Variants in CDH13 observed in about 807,000 individuals in gnomAD.
CDH13 encodes the protein cadherin 13.
In CDH13, 24 loss-of-function variants were observed where a neutral mutation model predicts 63.8. The observed-to-expected ratio is 0.38, with a 90% CI of 0.27 to 0.53. CDH13 has a LOEUF of 0.53. CDH13 is among the 20% of genes least tolerant of loss of function. The pLI, the probability that CDH13 is intolerant of heterozygous loss-of-function variation, is 0.85. For missense variants in CDH13, 1,049 were observed against 903.1 expected (o/e 1.16, Z -2.07); for synonymous variants, 503 against 355.3 (o/e 1.42, Z -4.67).
chr16:83,763,545 T>C (rs1335087769), intron 11 of CDH13, among the ~76,000 whole-genome samples: 2 of 152,150 alleles, frequency 1.3e-5, no homozygotes, highest in Admixed American at 1.3e-4. Context: ...CTTTCTCTTT[T>C]CATAGCTCAA....
chr16:83,129,288 C>G (rs17280004), intron 4 of CDH13, among the ~76,000 whole-genome samples: 41,839 of 152,106 alleles, frequency 0.28, 6,118 homozygotes, highest in Middle Eastern at 0.41. Context: ...ACGTATTAGA[C>G]TTCGATATAG....
chr16:82,846,624 G>C (rs1204825175), intron 1 of CDH13, among the ~76,000 whole-genome samples: 1 of 152,184 alleles, frequency 6.6e-6, no homozygotes, highest in Non-Finnish European at 1.5e-5. Context: ...TTTACTCTGA[G>C]CTACTTTTTA....
intron 1 of CDH13, among the ~76,000 whole-genome samples, chr16:82,816,672 G>A (rs2037726583): frequency 6.6e-6 from 1 of 151,210 alleles, no homozygotes; most frequent in South Asian, 2.1e-4. Context: ...GAGTGAGGGG[G>A]AGATAATAGA....
At chr16:82,910,091 C>T (rs1030751632) in intron 2 of CDH13, among the ~76,000 whole-genome samples, 1 of 152,176 alleles carries the variant, frequency 6.6e-6, no homozygotes, top group Non-Finnish European at 1.5e-5. Flanking sequence ...ATTCTCCACC[C>T]CTCTTTACGC....
rs17780828 is a variant in CDH13, at chr16:83,799,521, G to T, written c.*4491G>T. 0.21 allele frequency: 31,504 copies of T among 151,950 alleles called. 3,718 individuals are homozygous for T. The highest frequency in any genetic ancestry group is 0.27 in the Non-Finnish European group (18,079 of 67,968). The allele number at this position is 151,950 out of a possible 1,614,324, so 9.4% of individuals were successfully genotyped here. On this transcript the variant is annotated 3_prime_UTR_variant, in exon 14 of 14. Transcript: ENST00000567109. ...AAAGGTAGCCCATAAATCTGTTTAC[G>T]TGTAGCTGCCTTAAACATGAGTCAA...
chr16:82,902,282 A>T (rs1423745212), intron 2 of CDH13, among the ~76,000 whole-genome samples: 3 of 152,196 alleles, frequency 2.0e-5, no homozygotes, highest in Non-Finnish European at 2.9e-5. Context: ...GGTAAAAATT[A>T]TCAAAACTAC....
intron 1 of CDH13, among the ~76,000 whole-genome samples, chr16:82,799,523 T>G (rs1392827785): frequency 6.6e-6 from 1 of 152,244 alleles, no homozygotes; most frequent in Admixed American, 6.5e-5. Flanking sequence ...ATCAGTTTAG[T>G]CTTTTTTGCA....
At chr16:83,056,084 C>T (rs1486012906) in intron 3 of CDH13, among the ~76,000 whole-genome samples, 1 of 152,098 alleles carries the variant, frequency 6.6e-6, no homozygotes, top group East Asian at 1.9e-4. Context: ...TCTACATGAC[C>T]ACTAAACATA....
intron 8 of CDH13, among the ~76,000 whole-genome samples, chr16:83,669,420 G>GAT (rs1461947004): frequency 3.9e-5 from 6 of 152,158 alleles, no homozygotes; most frequent in Non-Finnish European, 8.8e-5. Flanking sequence ...TTTGTGAGAA[G>GAT]AGAAGATAGA....
intron 3 of CDH13, among the ~76,000 whole-genome samples, chr16:83,083,930 C>G (rs148406032): frequency 5.3e-5 from 8 of 152,188 alleles, no homozygotes; most frequent in South Asian, 2.1e-4. Flanking sequence ...CCAGGTAAGT[C>G]TCACTATCTC....
intron 10 of CDH13, among the ~76,000 whole-genome samples, chr16:83,722,001 G>A (rs552876456): frequency 6.6e-6 from 1 of 152,250 alleles, no homozygotes; most frequent in South Asian, 2.1e-4. Context: ...AACTGGGAGT[G>A]GAGGGGTCCA....
chr16:83,718,031 A>G (rs1411546893), intron 10 of CDH13: 1 of 152,242 alleles, frequency 6.6e-6, no homozygotes, highest in East Asian at 1.9e-4. Flanking sequence ...CATGACTGTG[A>G]CTGTCTTACT....
rs1457071151 is a variant in CDH13, at chr16:83,379,255, C to T, written c.781+34249C>T. Among the ~76,000 whole-genome samples the T allele has an allele frequency of 4.6e-5, 7 of 152,150 alleles. No individual in the cohort carries two copies. In the East Asian group the frequency reaches 1.3e-3, roughly 29 times the overall value. On this transcript the variant is annotated intron_variant, in intron 6 of 13. Coordinates refer to ENST00000567109, the MANE Select transcript of CDH13 (RefSeq NM_001257.5). ...TTAGAAGGGCACTGACTACCTCTCC[C>T]TCAAGTGTCAACTAAAAAATATTAG...
chr16:82,949,024 C>A (rs563163805), intron 2 of CDH13, among the ~76,000 whole-genome samples: 1 of 152,128 alleles, frequency 6.6e-6, no homozygotes, highest in African/African-American at 2.4e-5. Flanking sequence ...GTTTTCAAAT[C>A]TTTGGCAAAT....
intron 5 of CDH13, among the ~76,000 whole-genome samples, chr16:83,323,174 T>TCTTTTCTTTCTTTCTTTC (rs1555530162): frequency 4.9e-5 from 4 of 82,256 alleles, no homozygotes; most frequent in East Asian, 3.8e-4. Flanking sequence ...TCTCTTTCTT[T>TCTTTTCTTTCTTTCTTTC]TTTCTTTCTT....
At chr16:82,896,852 C>T (rs567910646) in intron 2 of CDH13, among the ~76,000 whole-genome samples, 1 of 129,760 alleles carries the variant, frequency 7.7e-6, no homozygotes, top group African/African-American at 3.0e-5. Context: ...GCAGTCTCGG[C>T]TCACTGCAAG....
chr16:83,400,248 G>A (rs1315168929), intron 6 of CDH13, among the ~76,000 whole-genome samples: 1 of 152,132 alleles, frequency 6.6e-6, no homozygotes, highest in African/African-American at 2.4e-5. Context: ...ATGTCTATGT[G>A]GCTGCCCTTT....
intron 10 of CDH13, among the ~76,000 whole-genome samples, chr16:83,740,300 A>C (rs568466020): frequency 1.3e-5 from 2 of 151,872 alleles, no homozygotes; most frequent in African/African-American, 4.8e-5. Flanking sequence ...GGGGATTCAC[A>C]CTCTGTGATT....
At chr16:83,118,069 T>A (rs1182344973) in intron 3 of CDH13, among the ~76,000 whole-genome samples, 2 of 152,142 alleles carry the variant, frequency 1.3e-5, no homozygotes, top group African/African-American at 4.8e-5. Context: ...ACACTGCCCC[T>A]GTGATGGAAG....
Sources: gnomAD v4.1 joint callset for allele counts (sites outside exome capture counted in the v4.1 genomes callset) on GRCh38, gnomAD v4.1.1 for gene constraint, MANE v1.5 for transcripts, NCBI Gene and HGNC (gene_info 2026-07-23, HGNC 2026-07-21) for gene names.